Variants in PLCL1 observed in about 807,000 individuals in gnomAD.
PLCL1 encodes inactive phospholipase C-like protein 1.
A neutral mutation model predicts 84.4 loss-of-function variants in PLCL1; 41 were observed. The observed-to-expected ratio is 0.49, with a 90% CI of 0.38 to 0.63. The LOEUF is 0.63. PLCL1 is among the 30% of genes least tolerant of loss of function. The probability of loss-of-function intolerance (pLI) is 0.00; values close to 1 mark genes in which losing one functional copy is unlikely to be tolerated. For missense variants in PLCL1, 1,206 were observed against 1,367.8 expected, an observed-to-expected ratio of 0.88 and a Z score of 1.87; for synonymous variants, 490 against 488.3, an observed-to-expected ratio of 1.00 and a Z score of -0.05.
At chr2:198,021,742 G>A (rs974557324) in intron 1 of PLCL1, among the ~76,000 whole-genome samples, 2 of 152,100 alleles carry the variant, frequency 1.3e-5, no homozygotes, top group Admixed American at 6.5e-5. Flanking sequence ...TAAAATTGAG[G>A]CAGTAATTAA....
intron 1 of PLCL1, among the ~76,000 whole-genome samples, chr2:197,923,277 C>T (rs1469409555): frequency 4.7e-5 from 7 of 148,402 alleles, no homozygotes; most frequent in Non-Finnish European, 7.5e-5. Context: ...ACCTCCCTCC[C>T]GGACGGGGTG....
At position 198,084,401 on chromosome 2, in the gene PLCL1, C is replaced by A; in HGVS notation, c.884C>A (p.Thr295Asn). 1 of 1,614,146 alleles carries A rather than the reference C, an allele frequency of 6.2e-7. No homozygotes were observed. The highest frequency in any genetic ancestry group is 8.5e-7 in the Non-Finnish European group (1 of 1,179,986). Residue 295 changes from threonine (T) to asparagine (N), a missense_variant, in exon 2 of 6, where the codon ACC (threonine) becomes AAC (asparagine). Thr to Asn is a moderately conservative substitution (Grantham distance 65, BLOSUM62 0). Transcript: ENST00000428675. ...KEIQKSKEKL[T>N]TRVTEEEFCE... ...ATCCAGAAGAGCAAGGAAAAACTAA[C>A]CACCCGCGTGACCGAAGAGGAATTT...
rs142038562 is a variant in PLCL1 at position 197,913,598 on chromosome 2, G to A, written c.240+108259G>A. Among the ~76,000 whole-genome samples the A allele has an allele frequency of 2.7e-4, 41 of 152,290 alleles. No homozygotes were observed. The East Asian group carries it at 6.0e-3, about 22-fold the overall frequency. On this transcript the variant is annotated intron_variant, in intron 1 of 5. Transcript: ENST00000428675. ...GATCAAATTTCATCATACATACAAT[G>A]TTTAGATATTTTTAGGTAAACATTT...
chr2:197,978,462 A>AG (rs1485974736), intron 1 of PLCL1, among the ~76,000 whole-genome samples: 2 of 152,242 alleles, frequency 1.3e-5, no homozygotes, highest in African/African-American at 4.8e-5. Flanking sequence ...TGGTCGACAG[A>AG]GGGAGACTCC....
At chr2:197,845,660 A>T (rs1394275026) in intron 1 of PLCL1, among the ~76,000 whole-genome samples, 1 of 152,054 alleles carries the variant, frequency 6.6e-6, no homozygotes, top group Non-Finnish European at 1.5e-5. Flanking sequence ...TCCATCCTAA[A>T]ACTCTGATTA....
chr2:197,858,230 C>T (rs1559026989), intron 1 of PLCL1, among the ~76,000 whole-genome samples: 1 of 152,132 alleles, frequency 6.6e-6, no homozygotes, highest in African/African-American at 2.4e-5. Context: ...AGCTCAAATC[C>T]TGGCTCTCCA....
intron 1 of PLCL1, among the ~76,000 whole-genome samples, chr2:197,883,364 T>G (rs1159889450): frequency 2.0e-5 from 3 of 152,154 alleles, no homozygotes; most frequent in Non-Finnish European, 4.4e-5. Flanking sequence ...GAGGAAGAAG[T>G]TATAGACACA....
Position 197,857,976 on chromosome 2 carries a change from T to C in PLCL1, c.240+52637T>C, listed in dbSNP as rs116847744. Among the ~76,000 whole-genome samples the C allele has an allele frequency of 2.6e-4, 39 of 152,102 alleles. No individual in the cohort carries two copies. The East Asian group carries it at 7.5e-3, about 29-fold the overall frequency. On this transcript the variant is annotated intron_variant, in intron 1 of 5. Transcript: ENST00000428675. ...CAGTTTCTTCATCTAATCAGAGAAA[T>C]GGACAGGAAACCAGGCCCTCTTACT...
chr2:198,144,577 C>A (rs923445803), intron 5 of PLCL1, among the ~76,000 whole-genome samples: 9 of 152,164 alleles, frequency 5.9e-5, no homozygotes, highest in African/African-American at 2.2e-4. Flanking sequence ...TCATAAAGAG[C>A]TCTTCAACAT....
chr2:197,935,403 A>G (rs999836288), intron 1 of PLCL1, among the ~76,000 whole-genome samples: 9 of 152,196 alleles, frequency 5.9e-5, no homozygotes, highest in Admixed American at 1.3e-4. Flanking sequence ...TGTGGTGCAT[A>G]GACACCATAG....
At chr2:198,053,231 A>G (rs965824449) in intron 1 of PLCL1, among the ~76,000 whole-genome samples, 1 of 152,194 alleles carries the variant, frequency 6.6e-6, no homozygotes, top group Admixed American at 6.5e-5. Flanking sequence ...TTTTGCTGTC[A>G]GATCTATTCC....
intron 1 of PLCL1, among the ~76,000 whole-genome samples, chr2:198,078,829 T>C (rs918200206): frequency 6.6e-6 from 1 of 152,188 alleles, no homozygotes; most frequent in Non-Finnish European, 1.5e-5. Flanking sequence ...CTTTACTCAC[T>C]TTTAAATTTT....
chr2:198,013,125 C>A lies in PLCL1; in HGVS notation c.241-70633C>A, dbSNP rs550258766. On this transcript the variant is annotated intron_variant, in intron 1 of 5. Coordinates refer to ENST00000428675, the MANE Select transcript of PLCL1 (RefSeq NM_006226.4). ...GATTTATAAGTGTTAATTTTTCTAGCAGGCTTTGATATGGTTGGCTTTGCA... is the reference window on the plus strand; with the variant it reads ...GATTTATAAGTGTTAATTTTTCTAGAAGGCTTTGATATGGTTGGCTTTGCA... Among the ~76,000 whole-genome samples the A allele has an allele frequency of 2.0e-5, 3 of 152,104 alleles. No homozygotes were observed. In the East Asian group the frequency reaches 5.8e-4, roughly 29 times the overall value.
At chr2:197,937,273 T>C (rs1689072129) in intron 1 of PLCL1, among the ~76,000 whole-genome samples, 1 of 152,192 alleles carries the variant, frequency 6.6e-6, no homozygotes, top group Non-Finnish European at 1.5e-5. Context: ...TGTAATATCC[T>C]TTATGAATTT....
chr2:198,129,325 A>G (rs1694067226), intron 5 of PLCL1, among the ~76,000 whole-genome samples: 2 of 152,118 alleles, frequency 1.3e-5, no homozygotes, highest in African/African-American at 2.4e-5. Context: ...CATCTACATA[A>G]TAAGACCGTT....
intron 1 of PLCL1, among the ~76,000 whole-genome samples, chr2:197,860,650 A>G (rs1402918250): frequency 6.6e-6 from 1 of 151,896 alleles, no homozygotes. Context: ...TTTTTTTCAT[A>G]TGCTTGTTGA....
At chr2:198,099,513 G>A (rs577099613) in intron 3 of PLCL1, among the ~76,000 whole-genome samples, 1 of 152,138 alleles carries the variant, frequency 6.6e-6, no homozygotes, top group Non-Finnish European at 1.5e-5. Flanking sequence ...TGTTGACAGA[G>A]AGAAAAATCA....
intron 1 of PLCL1, among the ~76,000 whole-genome samples, chr2:197,999,606 A>G (rs560202213): frequency 2.6e-5 from 4 of 152,186 alleles, no homozygotes; most frequent in Admixed American, 6.5e-5. Context: ...CATGATTTCA[A>G]TTCTACAGAA....
At chr2:198,043,294 T>G (rs1466439535) in intron 1 of PLCL1, among the ~76,000 whole-genome samples, 5 of 152,146 alleles carry the variant, frequency 3.3e-5, no homozygotes, top group African/African-American at 1.2e-4. Flanking sequence ...GAGAAAGACT[T>G]TAGTTTCAGG....
Sources: gnomAD v4.1 joint callset for allele counts (sites outside exome capture counted in the v4.1 genomes callset) on GRCh38, gnomAD v4.1.1 for gene constraint, MANE v1.5 for transcripts, NCBI Gene and HGNC (gene_info 2026-07-23, HGNC 2026-07-21) for gene names.